The following ANKFN1 variants were observed in gnomAD, a reference collection of about 807,000 sequenced individuals.
The protein encoded by ANKFN1 is ankyrin repeat and fibronectin type III domain containing 1.
ANKFN1 carries 74 observed loss-of-function variants against 108.7 expected under a neutral mutation model. The observed-to-expected ratio is 0.68, with a 90% confidence interval of 0.56 to 0.83. The LOEUF (loss-of-function observed/expected upper bound fraction) is 0.83. Among genes scored for constraint, ANKFN1 ranks in the 40% least tolerant of loss-of-function variants. The pLI, the probability that ANKFN1 is intolerant of heterozygous loss-of-function variation, is 0.00. For synonymous variants in ANKFN1, 547 were observed against 516.2 expected, an observed-to-expected ratio of 1.06 and a Z score of -0.81; for missense variants, 1,505 against 1,382.3, an observed-to-expected ratio of 1.09 and a Z score of -1.41.
intron 1 of ANKFN1, among the ~76,000 whole-genome samples, chr17:56,189,224 G>A (rs1912622821): frequency 8.0e-6 from 1 of 124,910 alleles, no homozygotes; most frequent in Admixed American, 9.3e-5. Flanking sequence ...AGGCTGGAGT[G>A]CAGTGGCGGG....
intron 4 of ANKFN1, among the ~76,000 whole-genome samples, chr17:56,124,780 A>T (rs1323612789): frequency 6.6e-6 from 1 of 152,152 alleles, no homozygotes; most frequent in East Asian, 1.9e-4. Flanking sequence ...TGCCTTTGGG[A>T]TTATTCATTT....
intron 6 of ANKFN1, among the ~76,000 whole-genome samples, chr17:56,363,287 C>A (rs1175084802): frequency 1.3e-5 from 2 of 151,990 alleles, no homozygotes; most frequent in Non-Finnish European, 2.9e-5. Flanking sequence ...AGAAGACATA[C>A]AAATGACCAA....
chr17:56,193,688 A>G (rs1362792766), intron 1 of ANKFN1, among the ~76,000 whole-genome samples: 3 of 152,224 alleles, frequency 2.0e-5, no homozygotes, highest in Non-Finnish European at 2.9e-5. Context: ...GAAGATGCAT[A>G]GGCAAAAATG....
At chr17:56,139,949 C>T (rs898008501) in intron 4 of ANKFN1, among the ~76,000 whole-genome samples, 5 of 152,250 alleles carry the variant, frequency 3.3e-5, no homozygotes, top group African/African-American at 1.2e-4. Flanking sequence ...TCCTTAACCT[C>T]TGCTCTTCTA....
intron 4 of ANKFN1, among the ~76,000 whole-genome samples, chr17:56,055,600 C>CACACATATATATATATATATACAT (rs1567778636): frequency 8.9e-5 from 3 of 33,592 alleles, no homozygotes; most frequent in African/African-American, 3.9e-4. Flanking sequence ...TATATATACA[C>CACACATATATATATATATATACAT]ATTTTTTTAT....
At chr17:56,106,409 G>A (rs1196228865) in intron 4 of ANKFN1, among the ~76,000 whole-genome samples, 1 of 152,202 alleles carries the variant, frequency 6.6e-6, no homozygotes, top group South Asian at 2.1e-4. Flanking sequence ...GTGTACAAAG[G>A]TAAGCATGGA....
At chr17:56,493,415 C>G (rs574003350) in intron 19 of ANKFN1, among the ~76,000 whole-genome samples, 6 of 151,998 alleles carry the variant, frequency 3.9e-5, no homozygotes, top group Non-Finnish European at 8.8e-5. Flanking sequence ...GAATGTAGAG[C>G]ATTCAAAGAG....
At chr17:56,060,832 C>G (rs924215436) in intron 4 of ANKFN1, among the ~76,000 whole-genome samples, 3 of 152,164 alleles carry the variant, frequency 2.0e-5, no homozygotes, top group Non-Finnish European at 2.9e-5. Context: ...TTCAGTTTGC[C>G]AGTATTTTAC....
intron 4 of ANKFN1, among the ~76,000 whole-genome samples, chr17:56,073,875 T>C (rs1905148711): frequency 6.6e-6 from 1 of 152,240 alleles, no homozygotes; most frequent in Admixed American, 6.5e-5. Context: ...GATCATGGTA[T>C]GCAAATATCA....
intron 1 of ANKFN1, among the ~76,000 whole-genome samples, chr17:56,155,380 T>C (rs2143464300): frequency 6.6e-6 from 1 of 152,342 alleles, no homozygotes; most frequent in South Asian, 2.1e-4. Context: ...GAGGTCTGAA[T>C]CTCTGCCCTT....
intron 6 of ANKFN1, among the ~76,000 whole-genome samples, chr17:56,363,595 A>G (rs1450478680): frequency 6.6e-6 from 1 of 152,196 alleles, no homozygotes; most frequent in African/African-American, 2.4e-5. Context: ...GTTTGAAATC[A>G]GTTTGTCAAA....
chr17:56,480,943 A>G (rs548422912), intron 17 of ANKFN1, 125 bp downstream of exon 17: 6 of 1,165,564 alleles, frequency 5.1e-6, no homozygotes, highest in Non-Finnish European at 6.0e-6. Flanking sequence ...TTACTTAAAC[A>G]CCACTTTGCA....
chr17:56,096,966 C>A (rs1348905354), intron 4 of ANKFN1, among the ~76,000 whole-genome samples: 1 of 152,162 alleles, frequency 6.6e-6, no homozygotes, highest in Non-Finnish European at 1.5e-5. Flanking sequence ...TTTGCAGCAA[C>A]ATACATGGAG....
chr17:56,349,393 G>GAAAAAA (rs397690706), intron 4 of ANKFN1, among the ~76,000 whole-genome samples: 1 of 146,414 alleles, frequency 6.8e-6, no homozygotes. Context: ...TTAAAAGCTG[G>GAAAAAA]AAAAAAAAAA....
intron 3 of ANKFN1, among the ~76,000 whole-genome samples, chr17:56,272,457 T>G (rs1367358716): frequency 6.6e-6 from 1 of 152,206 alleles, no homozygotes. Context: ...ATCATCAGGG[T>G]TAGCATAAGG....
At chr17:56,426,451 G>T (rs2048570504) in intron 8 of ANKFN1, among the ~76,000 whole-genome samples, 1 of 152,200 alleles carries the variant, frequency 6.6e-6, no homozygotes, top group South Asian at 2.1e-4. Context: ...TAAAAGGCAT[G>T]CATGAGTCAA....
intron 6 of ANKFN1, among the ~76,000 whole-genome samples, chr17:56,355,992 C>G (rs1041921400): frequency 3.3e-5 from 5 of 152,116 alleles, no homozygotes; most frequent in African/African-American, 1.2e-4. Context: ...AACCTACCTT[C>G]TGTTTCTATA....
intron 3 of ANKFN1, among the ~76,000 whole-genome samples, chr17:56,264,111 C>A (rs572534119): frequency 6.6e-6 from 1 of 152,174 alleles, no homozygotes; most frequent in African/African-American, 2.4e-5. Context: ...GTCCACCAAT[C>A]AAGGTGACAG....
rs1168371753 is a variant in ANKFN1, at chr17:56,511,093, C to T, written c.3265C>T (p.Arg1089Cys). 20 of 1,535,860 alleles carry T rather than the reference C, an allele frequency of 1.3e-5. No homozygotes were observed. In the East Asian group the frequency reaches 2.7e-4, roughly 21 times the overall value. Residue 1089 changes from arginine to cysteine, a missense_variant, in exon 21 of 21, where the codon CGC becomes TGC. By Grantham distance (180) the Arg-to-Cys change is radical. Transcript: ENST00000682825. ...CCAGGACGCGAGGCCTTCCGTCCGC[C>T]GCCTCTACGTGGAGCCCTACGCAGC... ...SLQDARPSVR[R>C]LYVEPYAAAV... is the part of the protein sequence containing the mutation.
Sources: gnomAD v4.1 joint callset for allele counts (sites outside exome capture counted in the v4.1 genomes callset) on GRCh38, gnomAD v4.1.1 for gene constraint, MANE v1.5 for transcripts, NCBI Gene and HGNC (gene_info 2026-07-23, HGNC 2026-07-21) for gene names.